The following TBC1D15 variants were observed in gnomAD, a reference collection of about 807,000 sequenced individuals.
TBC1D15 encodes TBC1 domain family member 15.
A neutral mutation model predicts 95.4 loss-of-function variants in TBC1D15; 39 were observed. That is an observed-to-expected ratio of 0.41 (90% CI 0.32 to 0.53). TBC1D15 has a LOEUF of 0.53. TBC1D15 is among the 20% of genes least tolerant of loss of function. TBC1D15 has a pLI of 0.29. For synonymous variants in TBC1D15, 258 were observed against 261.3 expected, an observed-to-expected ratio of 0.99 and a Z score of 0.12; for missense variants, 733 against 794.3, an observed-to-expected ratio of 0.92 and a Z score of 0.93.
intron 10 of TBC1D15, among the ~76,000 whole-genome samples, chr12:71,902,392 C>T (rs1004521051): frequency 2.6e-5 from 4 of 152,080 alleles, no homozygotes; most frequent in East Asian, 1.9e-4. Context: ...CATAAAGCAA[C>T]GAAACATGTT....
chr12:71,906,851 GTTAC>G (rs1435868815), intron 10 of TBC1D15, among the ~76,000 whole-genome samples, 167 bp from the exon 11 acceptor site: 1 of 152,040 alleles, frequency 6.6e-6, no homozygotes, highest in African/African-American at 2.4e-5. Flanking sequence ...ATTCTGAAAT[GTTAC>G]TTTATTGCAT....
intron 4 of TBC1D15, among the ~76,000 whole-genome samples, chr12:71,884,508 G>A (rs1895842261): frequency 6.6e-6 from 1 of 152,144 alleles, no homozygotes; most frequent in South Asian, 2.1e-4. Flanking sequence ...AGATGGTAGT[G>A]CTGCAATATG....
chr12:71,899,722 C>G (rs964992053), intron 10 of TBC1D15, among the ~76,000 whole-genome samples: 1 of 151,914 alleles, frequency 6.6e-6, no homozygotes, highest in African/African-American at 2.4e-5. Context: ...GAAATTCAAT[C>G]AAAGTAAGAG....
At chr12:71,847,202 C>A (rs1222373221) in intron 1 of TBC1D15, among the ~76,000 whole-genome samples, 1 of 152,128 alleles carries the variant, frequency 6.6e-6, no homozygotes, top group East Asian at 1.9e-4. Context: ...TCTCGTGACT[C>A]ACTGTACCAT....
intron 14 of TBC1D15, among the ~76,000 whole-genome samples, chr12:71,919,728 T>C (rs1868519249): frequency 6.6e-6 from 1 of 152,184 alleles, no homozygotes; most frequent in Admixed American, 6.5e-5. Flanking sequence ...TGCCTAGTGT[T>C]CCATTATTGG....
At chr12:71,896,530 A>C (rs1898212453) in intron 8 of TBC1D15, 147 bp from the exon 9 acceptor site, 3 of 685,734 alleles carry the variant, frequency 4.4e-6, no homozygotes, top group Non-Finnish European at 7.4e-6. Flanking sequence ...TAGAAGTAAA[A>C]AACAAGATGA....
In TBC1D15 at chr12:71,872,935, G is replaced by A. The variant is rs760019816; in HGVS notation, c.136G>A (p.Glu46Lys). The A allele has an allele frequency of 4.4e-6, 7 of 1,603,360 alleles. No homozygotes were observed. The highest frequency in any genetic ancestry group is 3.4e-5 in the South Asian group (3 of 89,202). Reference sequence around the variant, plus strand: ...TCATAATTTCTTTCTCTAGGATGCCGAAGTAATAGTGGACTGGAGACCATT... The same window carrying A: ...TCATAATTTCTTTCTCTAGGATGCCAAAGTAATAGTGGACTGGAGACCATT... ...GILRVLEKDA[E>K]VIVDWRPLDD... Residue 46 changes from glutamate (E) to lysine (K), a missense_variant, in exon 3 of 17, where the codon GAA (glutamate) becomes AAA (lysine). Transcript: ENST00000485960.
intron 12 of TBC1D15, among the ~76,000 whole-genome samples, chr12:71,915,040 A>T (rs926578002): frequency 2.0e-4 from 31 of 152,000 alleles, no homozygotes; most frequent in African/African-American, 7.5e-4. Context: ...GAATATTCAA[A>T]TTGGTTTTTT....
At chr12:71,922,343 A>G (rs1161434135) in intron 16 of TBC1D15, among the ~76,000 whole-genome samples, 1 of 151,904 alleles carries the variant, frequency 6.6e-6, no homozygotes, top group Admixed American at 6.6e-5. Flanking sequence ...CCTCGGCCTC[A>G]CAAAGTGCTG....
chr12:71,911,158 C>G (rs1239233702), intron 11 of TBC1D15, among the ~76,000 whole-genome samples: 3 of 152,120 alleles, frequency 2.0e-5, no homozygotes, highest in African/African-American at 4.8e-5. Flanking sequence ...AATAGGAACA[C>G]TTTTACACTG....
intron 5 of TBC1D15, among the ~76,000 whole-genome samples, chr12:71,889,246 G>T (rs1372150138): frequency 6.6e-6 from 1 of 152,120 alleles, no homozygotes; most frequent in Non-Finnish European, 1.5e-5. Flanking sequence ...CTCTTCTTGG[G>T]GAAGGAGATA....
At chr12:71,896,173 T>TG in intron 8 of TBC1D15, 98 bp downstream of exon 8, 1 of 1,209,234 alleles carries the variant, frequency 8.3e-7, no homozygotes, top group Non-Finnish European at 1.1e-6. Context: ...TTTTTGTTGT[T>TG]GGTTTTTTTT....
intron 12 of TBC1D15, among the ~76,000 whole-genome samples, chr12:71,914,613 C>CAGAT (rs1269702240): frequency 1.3e-5 from 2 of 151,978 alleles, no homozygotes; most frequent in African/African-American, 4.8e-5. Flanking sequence ...TAGATAAAGG[C>CAGAT]AGATGAAGTC....
At chr12:71,851,481 T>G (rs1010685287) in intron 1 of TBC1D15, among the ~76,000 whole-genome samples, 1 of 152,204 alleles carries the variant, frequency 6.6e-6, no homozygotes, top group Non-Finnish European at 1.5e-5. Context: ...CTTAACTCAT[T>G]TCCGGCATTA....
intron 11 of TBC1D15, among the ~76,000 whole-genome samples, chr12:71,910,449 G>A (rs1392805276): frequency 6.6e-6 from 1 of 151,350 alleles, no homozygotes; most frequent in Non-Finnish European, 1.5e-5. Context: ...AAATTAACTT[G>A]GGCAGTATGA....
chr12:71,863,564 G>GT (rs1188229876), intron 1 of TBC1D15, among the ~76,000 whole-genome samples: 3 of 152,076 alleles, frequency 2.0e-5, no homozygotes, highest in Non-Finnish European at 2.9e-5. Context: ...GGATCTGGAT[G>GT]TTTTTTATAT....
rs1332432807 is a variant in TBC1D15 at position 71,923,485 on chromosome 12, A to C, written c.*281A>C. ...TGAACTGGAATTGGATAAATATTGC[A>C]AGTGGATGAGTTGGAAATTATGCAC... On this transcript the variant is annotated 3_prime_UTR_variant, in exon 17 of 17. Coordinates refer to ENST00000485960, the MANE Select transcript of TBC1D15 (RefSeq NM_001146213.3). 6.2e-6 allele frequency: 2 copies of C among 320,204 alleles called. No individual in the cohort carries two copies. The highest frequency in any genetic ancestry group is 1.2e-5 in the Non-Finnish European group (2 of 172,916). The allele number at this position is 320,204 out of a possible 1,614,324, so 19.8% of individuals were successfully genotyped here.
At chr12:71,860,425 C>CAATA (rs1890129641) in intron 1 of TBC1D15, among the ~76,000 whole-genome samples, 2 of 152,090 alleles carry the variant, frequency 1.3e-5, no homozygotes, top group African/African-American at 4.8e-5. Context: ...AAGTTTTCAT[C>CAATA]AGTGTTTGTA....
chr12:71,903,941 C>G (rs1471672626), intron 10 of TBC1D15, among the ~76,000 whole-genome samples: 1 of 152,088 alleles, frequency 6.6e-6, no homozygotes. Flanking sequence ...ATCTGTACAC[C>G]AAACCCCCAT....
Sources: allele counts gnomAD v4.1 joint callset (sites outside exome capture counted in the v4.1 genomes callset), GRCh38; gene constraint gnomAD v4.1.1; transcripts MANE v1.5; gene names NCBI Gene and HGNC (gene_info 2026-07-23, HGNC 2026-07-21).